The following COL11A1 variants were observed in gnomAD, a reference collection of about 807,000 sequenced individuals.
The protein encoded by COL11A1 is collagen type XI alpha 1 chain, also known as collagen alpha-1(XI) chain.
COL11A1 carries 74 observed loss-of-function variants against 265.2 expected under a neutral mutation model. The ratio of observed to expected loss-of-function variants is 0.28; its 90% CI spans 0.23 to 0.34. The LOEUF (loss-of-function observed/expected upper bound fraction) is 0.34, where lower values mean the gene tolerates loss of function less well. Among genes scored for constraint, COL11A1 ranks in the 10% least tolerant of loss-of-function variants. The probability of loss-of-function intolerance (pLI) is 1.00; values close to 1 mark genes in which losing one functional copy is unlikely to be tolerated. For missense variants in COL11A1, 2,165 were observed against 2,263.6 expected (o/e 0.96, Z 0.88); for synonymous variants, 816 against 727.6 (o/e 1.12, Z -1.96).
chr1:102,949,065 AAG>A (rs71094584), intron 41 of COL11A1, among the ~76,000 whole-genome samples: 22,942 of 152,022 alleles, frequency 0.15, 2,070 homozygotes, highest in Middle Eastern at 0.24. Context: ...AATTACTAAA[AAG>A]AGAGAAAAGA....
intron 66 of COL11A1, among the ~76,000 whole-genome samples, chr1:102,878,621 C>T (rs1649839228): frequency 6.6e-6 from 1 of 150,384 alleles, no homozygotes; most frequent in Admixed American, 6.7e-5. Context: ...AGCCATTCTC[C>T]TGCCTCAGTC....
chr1:102,928,212 C>T (rs951334127), intron 46 of COL11A1, among the ~76,000 whole-genome samples: 17 of 152,034 alleles, frequency 1.1e-4, no homozygotes, highest in African/African-American at 2.2e-4. Flanking sequence ...AACTCGTCAT[C>T]TAGCATTAGG....
intron 48 of COL11A1, among the ~76,000 whole-genome samples, chr1:102,920,672 G>A (rs1218638414): frequency 6.6e-6 from 1 of 152,096 alleles, no homozygotes; most frequent in Non-Finnish European, 1.5e-5. Flanking sequence ...TTGGTTTTAG[G>A]CGGTGATTTT....
chr1:102,987,749 C>A lies in COL11A1; in HGVS notation c.2395-9G>T. On this transcript the variant is annotated splice_polypyrimidine_tract_variant and intron_variant, in intron 29 of 66. Transcript: ENST00000370096. ...ATTTGACCAACTTCTCCCTGAGGCACAGAATAACAACATTCTTATGAGTGA... is the reference window on the plus strand; with the variant it reads ...ATTTGACCAACTTCTCCCTGAGGCAAAGAATAACAACATTCTTATGAGTGA... 6.3e-7 allele frequency: 1 copy of A among 1,597,934 alleles called. No homozygotes were observed. The highest frequency in any genetic ancestry group is 8.6e-7 in the Non-Finnish European group (1 of 1,165,586).
chr1:103,027,943 G>T (rs2101978173), intron 5 of COL11A1, among the ~76,000 whole-genome samples: 1 of 152,186 alleles, frequency 6.6e-6, no homozygotes, highest in African/African-American at 2.4e-5. Context: ...TAACCAGGCT[G>T]GTTTTGAAAT....
chr1:102,890,551 A>T (rs11164634), intron 57 of COL11A1, 47 bp from the exon 58 acceptor site: 10 of 1,516,970 alleles, frequency 6.6e-6, no homozygotes, highest in Non-Finnish European at 9.0e-6. Flanking sequence ...CAGAGTAGGT[A>T]TGAATTAGAG....
At chr1:103,101,203 G>T (rs995170340) in intron 1 of COL11A1, among the ~76,000 whole-genome samples, 3 of 151,796 alleles carry the variant, frequency 2.0e-5, no homozygotes, top group African/African-American at 7.3e-5. Context: ...GAAATGGCTG[G>T]TCTTGAGCCT....
chr1:102,962,169 A>G lies in COL11A1; in HGVS notation c.3114+7T>C, dbSNP rs1660973998. ...ACTTGCTTTATCTATATAGATATTG[A>G]TTATACCTGAGCTCCAGGAAGACCT... On this transcript the variant is annotated splice_region_variant and intron_variant, in intron 40 of 66. Transcript: ENST00000370096. 1 of 1,604,906 alleles carries G rather than the reference A, an allele frequency of 6.2e-7. No homozygotes were observed. Among genetic ancestry groups the G allele is most frequent in the East Asian group, 2.2e-5 (1 of 44,800 alleles).
intron 17 of COL11A1, 88 bp from the exon 18 acceptor site, chr1:103,005,979 C>G: frequency 6.2e-7 from 1 of 1,611,636 alleles, no homozygotes; most frequent in Non-Finnish European, 8.5e-7. Flanking sequence ...GAAATATTCT[C>G]TCAGATTCAG....
rs567668867 is a variant in COL11A1 at position 102,935,224 on chromosome 1, A to G, written c.3439-111T>C. 39 of 803,316 alleles carry G rather than the reference A, an allele frequency of 4.9e-5. No homozygotes were observed. In the Middle Eastern group the frequency reaches 1.6e-3, roughly 33 times the overall value. 49.8% of individuals were successfully genotyped at this position (803,316 alleles called of 1,614,324 possible). On this transcript the variant is annotated intron_variant, in intron 44 of 66. Transcript: ENST00000370096. The stretch of plus-strand genomic sequence containing the variant: ...TCAAACACTTCTGCACTCCTTTGGA[A>G]AAAAAGAAGCATCACATAGAATTAT...
chr1:103,054,697 T>A (rs1670101210), intron 4 of COL11A1, among the ~76,000 whole-genome samples: 1 of 151,706 alleles, frequency 6.6e-6, no homozygotes, highest in African/African-American at 2.4e-5. Flanking sequence ...AGGTCGGGAG[T>A]TCGAGACCAG....
At chr1:103,018,699 T>A (rs1048435884) in intron 10 of COL11A1, 119 bp downstream of exon 10, 1 of 809,822 alleles carries the variant, frequency 1.2e-6, no homozygotes. Flanking sequence ...TCTGAACAAA[T>A]GTTTTTCTCT....
rs185588677 is a variant in COL11A1 at position 103,104,479 on chromosome 1, T to C, written c.106+3594A>G. On this transcript the variant is annotated intron_variant, in intron 1 of 66. Coordinates refer to ENST00000370096, the MANE Select transcript of COL11A1 (RefSeq NM_001854.4). ...TTTTTTACCAATTATGTTATGCAAATACATTTCTCACTTTGCTACTGCATA... is the reference window on the plus strand; with the variant it reads ...TTTTTTACCAATTATGTTATGCAAACACATTTCTCACTTTGCTACTGCATA... 2.8e-4 allele frequency among the ~76,000 whole-genome samples: 43 copies of C among 152,282 alleles called. No homozygotes were observed. In the East Asian group the frequency reaches 7.3e-3, roughly 26 times the overall value.
chr1:103,060,623 G>T (rs1670599358), intron 4 of COL11A1, among the ~76,000 whole-genome samples: 1 of 152,080 alleles, frequency 6.6e-6, no homozygotes, highest in Non-Finnish European at 1.5e-5. Context: ...TCATAAATCA[G>T]TATAGTGTTA....
At chr1:103,047,735 T>TG (rs373996013) in intron 4 of COL11A1, among the ~76,000 whole-genome samples, 26,794 of 152,046 alleles carry the variant, frequency 0.18, 2,439 homozygotes, top group Middle Eastern at 0.2. Context: ...ATATTGGCTG[T>TG]GGTTTGTCAT....
At chr1:103,039,574 G>C (rs1211610217) in intron 4 of COL11A1, among the ~76,000 whole-genome samples, 2 of 149,148 alleles carry the variant, frequency 1.3e-5, no homozygotes. Flanking sequence ...CCATTTCCAA[G>C]CCAAGGCAAG....
intron 1 of COL11A1, among the ~76,000 whole-genome samples, chr1:103,103,953 C>G (rs1186738811): frequency 6.6e-6 from 1 of 151,922 alleles, no homozygotes; most frequent in Admixed American, 6.6e-5. Flanking sequence ...CTTTTGATCA[C>G]CATTACAGAT....
chr1:103,021,707 A>G lies in COL11A1; in HGVS notation c.1308T>C (p.Pro436=). 6.2e-7 allele frequency: 1 copy of G among 1,606,644 alleles called. No individual in the cohort carries two copies. The highest frequency in any genetic ancestry group is 8.5e-7 in the Non-Finnish European group (1 of 1,173,214). ...GQKGEPAVVE[P]GMLVEGPPGP... ...AAAGTGTATTCACACTACTACTTAC[A>G]GGCTCAACCACTGCTGGTTCTCCTT... The change falls in exon 9 of 67, where the codon CCT becomes CCC. Residue 436 remains proline (P), a splice_region_variant and synonymous_variant. Coordinates refer to ENST00000370096, the MANE Select transcript of COL11A1 (RefSeq NM_001854.4).
In COL11A1 at chr1:103,084,332, A is replaced by G. The variant is rs560487130; in HGVS notation, c.107-1360T>C. On this transcript the variant is annotated intron_variant, in intron 1 of 66. Transcript: ENST00000370096. Reference sequence around the variant, plus strand: ...AGAATTTTCATTTAAGTAGACTCATACAGAAGTGCCATATGACCCAGCAAT... The same window carrying G: ...AGAATTTTCATTTAAGTAGACTCATGCAGAAGTGCCATATGACCCAGCAAT... Among the ~76,000 whole-genome samples the G allele has an allele frequency of 1.4e-4, 22 of 152,236 alleles. 1 individual carries two copies. In the South Asian group the frequency reaches 2.7e-3, roughly 19 times the overall value.
Sources: gnomAD v4.1 joint callset for allele counts (sites outside exome capture counted in the v4.1 genomes callset) on GRCh38, gnomAD v4.1.1 for gene constraint, MANE v1.5 for transcripts, NCBI Gene and HGNC (gene_info 2026-07-23, HGNC 2026-07-21) for gene names.